The following RIMS1 variants were observed in gnomAD, a reference collection of about 807,000 sequenced individuals.
RIMS1 encodes the protein regulating synaptic membrane exocytosis protein 1.
RIMS1 carries 83 observed loss-of-function variants against 214.1 expected under a neutral mutation model. That is an observed-to-expected ratio of 0.39 (90% CI 0.32 to 0.47). RIMS1 has a LOEUF of 0.47. RIMS1 is among the 20% of genes least tolerant of loss of function. RIMS1 has a pLI of 0.99. For synonymous variants in RIMS1, 793 were observed against 786.8 expected, an observed-to-expected ratio of 1.01 and a Z score of -0.13; for missense variants, 2,050 against 2,161.8, an observed-to-expected ratio of 0.95 and a Z score of 1.03.
intron 28 of RIMS1, chr6:72,316,932 A>G (rs6924364): frequency 0.23 from 159,228 of 692,154 alleles, 20,823 homozygotes; most frequent in Non-Finnish European, 0.27. Context: ...GGTGTCCTGC[A>G]GTAGAGTGGA....
chr6:71,928,384 T>C (rs1582837501), intron 1 of RIMS1, among the ~76,000 whole-genome samples: 2 of 152,284 alleles, frequency 1.3e-5, no homozygotes, highest in East Asian at 3.9e-4. Flanking sequence ...TGATAGTTTT[T>C]CCTTGTCATT....
At chr6:72,152,130 C>G (rs1205623554) in intron 4 of RIMS1, among the ~76,000 whole-genome samples, 1 of 152,166 alleles carries the variant, frequency 6.6e-6, no homozygotes, top group Middle Eastern at 3.2e-3. Flanking sequence ...TACATTTCAC[C>G]ATGAGATTTG....
At chr6:72,312,115 G>T (rs531270477) in intron 27 of RIMS1, among the ~76,000 whole-genome samples, 28 of 152,170 alleles carry the variant, frequency 1.8e-4, no homozygotes, top group African/African-American at 6.7e-4. Flanking sequence ...ATAAATCCAG[G>T]TTGTAGCATC....
At chr6:71,893,886 T>A (rs1185032608) in intron 1 of RIMS1, among the ~76,000 whole-genome samples, 1 of 152,216 alleles carries the variant, frequency 6.6e-6, no homozygotes, top group Non-Finnish European at 1.5e-5. Context: ...ATGTTGATTT[T>A]CCTTTATCTG....
chr6:72,061,920 A>G (rs933038315), intron 2 of RIMS1, among the ~76,000 whole-genome samples: 4 of 152,254 alleles, frequency 2.6e-5, no homozygotes, highest in Non-Finnish European at 4.4e-5. Flanking sequence ...GGCAGTGTTC[A>G]TAAATATAAT....
intron 3 of RIMS1, 55 bp from the exon 4 acceptor site, chr6:72,099,920 T>G: frequency 6.6e-7 from 1 of 1,514,908 alleles, no homozygotes; most frequent in Non-Finnish European, 9.1e-7. Flanking sequence ...TCAATTTTGT[T>G]TTTCTTTTCT....
chr6:72,090,600 G>A (rs529902483), intron 2 of RIMS1, among the ~76,000 whole-genome samples: 22 of 152,088 alleles, frequency 1.4e-4, no homozygotes, highest in African/African-American at 5.3e-4. Context: ...TCACTAAAAG[G>A]GGGACAATTG....
chr6:72,012,429 T>C (rs940886009), intron 2 of RIMS1, among the ~76,000 whole-genome samples: 1 of 152,102 alleles, frequency 6.6e-6, no homozygotes, highest in Non-Finnish European at 1.5e-5. Flanking sequence ...TGTATACATA[T>C]GTAACAAACC....
At position 71,951,492 on chromosome 6, in the gene RIMS1, T is replaced by TTTTTTTTG. The variant is rs1162341760; in HGVS notation, c.165-17490_165-17489insTTTTTTGT. Among the ~76,000 whole-genome samples, 538 of 117,446 alleles carry TTTTTTTTG rather than the reference T, an allele frequency of 4.6e-3. 2 individuals are homozygous for TTTTTTTTG. The highest frequency in any genetic ancestry group is 0.016 in the African/African-American group (438 of 26,832). 77.0% of individuals were successfully genotyped at this position (117,446 alleles called of 152,430 possible). On this transcript the variant is annotated intron_variant, in intron 1 of 33. Transcript: ENST00000521978. ...CTTTTCTTTTTCTTTTTTTTTTTTTTTGTGTGTGTGTGTGTGTGACAGAGT... is the reference window on the plus strand; with the variant it reads ...CTTTTCTTTTTCTTTTTTTTTTTTTTTTTTTTTGTGTGTGTGTGTGTGTGTGACAGAGT...
intron 24 of RIMS1, among the ~76,000 whole-genome samples, chr6:72,290,395 AAAACAAAAC>A (rs2093178515): frequency 6.6e-6 from 1 of 152,082 alleles, no homozygotes; most frequent in Non-Finnish European, 1.5e-5. Flanking sequence ...AAAACAAAAC[AAAACAAAAC>A]AAACAGACAG....
intron 31 of RIMS1, 53 bp downstream of exon 31, chr6:72,392,863 A>C (rs1188621694): frequency 1.4e-5 from 18 of 1,279,092 alleles, no homozygotes; most frequent in Non-Finnish European, 1.9e-5. Flanking sequence ...TGTTTGACAA[A>C]GTCATTTAAA....
chr6:71,960,615 G>A (rs1792650864), intron 1 of RIMS1, among the ~76,000 whole-genome samples: 1 of 152,046 alleles, frequency 6.6e-6, no homozygotes, highest in African/African-American at 2.4e-5. Flanking sequence ...TACCTTGCTG[G>A]AAATATTAGA....
In RIMS1 at chr6:72,131,943, T is replaced by G. The variant is rs1232021834; in HGVS notation, c.471+31957T>G. Among the ~76,000 whole-genome samples the G allele has an allele frequency of 2.6e-5, 4 of 152,190 alleles. No homozygotes were observed. The East Asian group carries it at 7.7e-4, about 29-fold the overall frequency. ...CAGTGATATTTCTCCCATTTGCTTT[T>G]GAAAGAAGAGAAATATGGCTCTGTT... On this transcript the variant is annotated intron_variant, in intron 4 of 33. Transcript: ENST00000521978.
At chr6:72,378,580 A>G (rs902693491) in intron 29 of RIMS1, among the ~76,000 whole-genome samples, 1 of 152,216 alleles carries the variant, frequency 6.6e-6, no homozygotes, top group African/African-American at 2.4e-5. Flanking sequence ...CTGTAATCCC[A>G]GCACTTTGGG....
chr6:71,969,989 T>G (rs541303039), intron 2 of RIMS1, among the ~76,000 whole-genome samples: 5 of 152,266 alleles, frequency 3.3e-5, no homozygotes, highest in African/African-American at 1.2e-4. Flanking sequence ...TACCCTTTAT[T>G]TGGTCATTGA....
At chr6:72,231,123 A>G (rs78782620) in intron 6 of RIMS1, among the ~76,000 whole-genome samples, 11,094 of 151,702 alleles carry the variant, frequency 0.073, 472 homozygotes, top group Non-Finnish European at 0.099. Context: ...TGAATATTTT[A>G]GGAGCATGTT....
intron 6 of RIMS1, among the ~76,000 whole-genome samples, chr6:72,184,431 G>A (rs1018998229): frequency 1.3e-5 from 2 of 152,196 alleles, no homozygotes; most frequent in Non-Finnish European, 2.9e-5. Flanking sequence ...TGCACTTTTT[G>A]TGAAAAACTT....
chr6:72,121,621 T>C (rs2038338217), intron 4 of RIMS1, among the ~76,000 whole-genome samples: 1 of 151,942 alleles, frequency 6.6e-6, no homozygotes, highest in South Asian at 2.1e-4. Flanking sequence ...GACTTCCTCT[T>C]TTCCTAATTG....
Position 72,113,143 on chromosome 6 carries a change from C to A in RIMS1, c.471+13157C>A, listed in dbSNP as rs114131985. Among the ~76,000 whole-genome samples, 807 of 152,208 alleles carry A rather than the reference C, an allele frequency of 5.3e-3. 4 individuals are homozygous for A. The highest frequency in any genetic ancestry group is 0.019 in the African/African-American group (787 of 41,546). On this transcript the variant is annotated intron_variant, in intron 4 of 33. Coordinates refer to ENST00000521978, the MANE Select transcript of RIMS1 (RefSeq NM_014989.7). ...AGAGTCATGGTATAGTTATTAAAGG[C>A]TTTTTCTGCCCTCACCCACTTCACC...
Sources: allele counts gnomAD v4.1 joint callset (sites outside exome capture counted in the v4.1 genomes callset), GRCh38; gene constraint gnomAD v4.1.1; transcripts MANE v1.5; gene names NCBI Gene and HGNC (gene_info 2026-07-23, HGNC 2026-07-21).